The following SENP5 variants were observed in gnomAD, a reference collection of about 807,000 sequenced individuals.
The protein encoded by SENP5 is SUMO specific peptidase 5.
A neutral mutation model predicts 74.2 loss-of-function variants in SENP5; 21 were observed. The observed-to-expected ratio is 0.28, with a 90% CI of 0.20 to 0.41. The LOEUF is 0.41. Ranked by LOEUF, SENP5 falls within the 10% of genes least tolerant of loss-of-function variation. The pLI is 1.00. For missense variants in SENP5, 717 were observed against 889.1 expected, an observed-to-expected ratio of 0.81 and a Z score of 2.46; for synonymous variants, 311 against 312.7, an observed-to-expected ratio of 0.99 and a Z score of 0.06.
chr3:196,886,965 C>G (rs1292767789), intron 2 of SENP5, among the ~76,000 whole-genome samples: 1 of 152,034 alleles, frequency 6.6e-6, no homozygotes, highest in East Asian at 1.9e-4. Context: ...AAGCTAAATT[C>G]TCATTATTAG....
At position 196,894,528 on chromosome 3, in the gene SENP5, C is replaced by A. The variant is rs559136361; in HGVS notation, c.1514-5138C>A. Among the ~76,000 whole-genome samples, 10 of 145,878 alleles carry A rather than the reference C, an allele frequency of 6.9e-5. No homozygotes were observed. In the East Asian group the frequency reaches 2.4e-3, roughly 35 times the overall value. On this transcript the variant is annotated intron_variant, in intron 2 of 9. Transcript: ENST00000323460. ...CAGCTGTTAATAAAATATTTAGTTG[C>A]GAGTTCTTTTTTTTTTTTTAAATTT...
intron 6 of SENP5, among the ~76,000 whole-genome samples, chr3:196,918,644 T>C (rs1715486091): frequency 6.6e-6 from 1 of 151,990 alleles, no homozygotes; most frequent in South Asian, 2.1e-4. Flanking sequence ...AAAATGGCAG[T>C]AGGAAGTCCT....
At chr3:196,872,174 A>G (rs1171756316) in intron 1 of SENP5, among the ~76,000 whole-genome samples, 1 of 152,166 alleles carries the variant, frequency 6.6e-6, no homozygotes, top group African/African-American at 2.4e-5. Context: ...GTCGGTGAGT[A>G]TCTAGTAAGA....
intron 1 of SENP5, among the ~76,000 whole-genome samples, chr3:196,869,791 G>A (rs1295740798): frequency 1.4e-5 from 2 of 142,736 alleles, no homozygotes; most frequent in African/African-American, 5.2e-5. Context: ...AAAAGGTGCT[G>A]GGATTACAGG....
chr3:196,900,452 TG>T, intron 5 of SENP5, 40 bp downstream of exon 5: 1 of 1,535,996 alleles, frequency 6.5e-7, no homozygotes, highest in Non-Finnish European at 8.8e-7. Context: ...AGAGTGTTCT[TG>T]TGTATTAAAA....
At chr3:196,888,765 T>C (rs754436108) in intron 2 of SENP5, among the ~76,000 whole-genome samples, 1 of 152,032 alleles carries the variant, frequency 6.6e-6, no homozygotes, top group African/African-American at 2.4e-5. Context: ...GTTAGGAGGT[T>C]TATTTCTTGG....
chr3:196,903,320 A>G (rs1371003397), intron 5 of SENP5, among the ~76,000 whole-genome samples: 1 of 152,098 alleles, frequency 6.6e-6, no homozygotes, highest in Non-Finnish European at 1.5e-5. Context: ...TTGTATTTTT[A>G]GGAGAGACAG....
At chr3:196,893,563 A>C (rs1356156566) in intron 2 of SENP5, among the ~76,000 whole-genome samples, 1 of 152,122 alleles carries the variant, frequency 6.6e-6, no homozygotes, top group Non-Finnish European at 1.5e-5. Context: ...GCATTTTTTC[A>C]GGCAAAAGAG....
Position 196,934,037 on chromosome 3 carries a change from CCTTTT to C in SENP5, c.*3115_*3119del, listed in dbSNP as rs1460290321. The C allele has an allele frequency of 6.6e-6, 1 of 152,126 alleles. No individual in the cohort carries two copies. The highest frequency in any genetic ancestry group is 6.5e-5 in the Admixed American group (1 of 15,270). The allele number at this position is 152,126 out of a possible 1,614,324, so 9.4% of individuals were successfully genotyped here. A position where few individuals can be genotyped will look rare whatever the true frequency, so the allele number is the denominator to read the frequency against. On this transcript the variant is annotated 3_prime_UTR_variant, in exon 10 of 10. Coordinates refer to ENST00000323460, the MANE Select transcript of SENP5 (RefSeq NM_152699.5). ...TAGTTGCATCTTTACAGTGGTCTTTCCTTTTATTAAATCTATAGCAGTGAATATAG... is the reference window on the plus strand; with the variant it reads ...TAGTTGCATCTTTACAGTGGTCTTTCATTAAATCTATAGCAGTGAATATAG...
At chr3:196,879,077 A>C (rs901905831) in intron 1 of SENP5, among the ~76,000 whole-genome samples, 2 of 152,200 alleles carry the variant, frequency 1.3e-5, no homozygotes, top group Non-Finnish European at 2.9e-5. Context: ...CAGTATTACC[A>C]TTCCAGGTGA....
rs1426284059 is a variant in SENP5 at position 196,932,037 on chromosome 3, C to G, written c.*1114C>G. 2.7e-6 allele frequency: 1 copy of G among 363,776 alleles called. No individual in the cohort carries two copies. Among genetic ancestry groups the G allele is most frequent in the Non-Finnish European group, 5.4e-6 (1 of 185,202 alleles). The allele number at this position is 363,776 out of a possible 1,614,324, so 22.5% of individuals were successfully genotyped here. ...GTAACATGCAGGGTACGTCTGGCTT[C>G]TGCATGGCCAGTGCTGACACTAGCA... On this transcript the variant is annotated 3_prime_UTR_variant, in exon 10 of 10. Coordinates refer to ENST00000323460, the MANE Select transcript of SENP5 (RefSeq NM_152699.5).
intron 6 of SENP5, among the ~76,000 whole-genome samples, chr3:196,906,715 A>G (rs1714917704): frequency 6.6e-6 from 1 of 152,232 alleles, no homozygotes; most frequent in East Asian, 1.9e-4. Flanking sequence ...AGACAGTGGC[A>G]TGAAGTGTAC....
intron 6 of SENP5, among the ~76,000 whole-genome samples, chr3:196,917,508 G>T (rs779778625): frequency 6.6e-6 from 1 of 152,048 alleles, no homozygotes; most frequent in African/African-American, 2.4e-5. Flanking sequence ...ATTACCTCAA[G>T]GCATTTAATA....
intron 5 of SENP5, among the ~76,000 whole-genome samples, chr3:196,901,106 C>T (rs1376234001): frequency 2.0e-5 from 3 of 146,824 alleles, no homozygotes; most frequent in South Asian, 2.2e-4. Flanking sequence ...AGTGTAGTGG[C>T]GTGGTCTTGG....
At chr3:196,921,418 TG>T (rs1232953664) in intron 6 of SENP5, among the ~76,000 whole-genome samples, 3 of 152,194 alleles carry the variant, frequency 2.0e-5, no homozygotes, top group Non-Finnish European at 4.4e-5. Flanking sequence ...TAAAGCTCTA[TG>T]TATGTCTATG....
In SENP5 at chr3:196,910,335, CTTTTTTTTTTTT is replaced by C. The variant is rs869108574; in HGVS notation, c.1884+6743_1884+6754del. ...AAATGGCCATACTGCCCAAAGTAAT[CTTTTTTTTTTTT>C]TTTTTTTTTTTTTTTTTGAGATGGA... On this transcript the variant is annotated intron_variant, in intron 6 of 9. Coordinates refer to ENST00000323460, the MANE Select transcript of SENP5 (RefSeq NM_152699.5). Among the ~76,000 whole-genome samples, 10 of 51,370 alleles carry C rather than the reference CTTTTTTTTTTTT, an allele frequency of 1.9e-4. No individual in the cohort carries two copies. In the East Asian group the frequency reaches 2.9e-3, roughly 15 times the overall value. 33.7% of individuals were successfully genotyped at this position (51,370 alleles called of 152,430 possible). A position where few individuals can be genotyped will look rare whatever the true frequency, so the allele number is the denominator to read the frequency against.
At chr3:196,888,807 C>T (rs1420799608) in intron 2 of SENP5, among the ~76,000 whole-genome samples, 1 of 151,906 alleles carries the variant, frequency 6.6e-6, no homozygotes, top group African/African-American at 2.4e-5. Flanking sequence ...CTTTCTCTTT[C>T]CAACCATTAA....
intron 1 of SENP5, among the ~76,000 whole-genome samples, chr3:196,877,198 T>C (rs1713515508): frequency 6.6e-6 from 1 of 152,124 alleles, no homozygotes; most frequent in South Asian, 2.1e-4. Flanking sequence ...TAAATATTTA[T>C]TTAGAGATGG....
intron 8 of SENP5, among the ~76,000 whole-genome samples, chr3:196,928,167 C>T (rs1290058561): frequency 1.3e-5 from 2 of 152,160 alleles, no homozygotes; most frequent in Non-Finnish European, 2.9e-5. Flanking sequence ...TGGCACTTGC[C>T]TCTTGCATCA....
Sources: allele counts gnomAD v4.1 joint callset (sites outside exome capture counted in the v4.1 genomes callset), GRCh38; gene constraint gnomAD v4.1.1; transcripts MANE v1.5; gene names NCBI Gene and HGNC (gene_info 2026-07-23, HGNC 2026-07-21).